DCUN1D2: variants seen among roughly 807,000 people sequenced by gnomAD.
The protein encoded by DCUN1D2 is DCN1-like protein 2.
In DCUN1D2, 29 loss-of-function variants were observed where a neutral mutation model predicts 30.9. That is an observed-to-expected ratio of 0.94 (90% confidence interval 0.70 to 1.28). DCUN1D2 has a LOEUF of 1.28. DCUN1D2 is among the 50% of genes most tolerant of loss of function. The pLI, the probability that DCUN1D2 is intolerant of heterozygous loss-of-function variation, is 0.00. For synonymous variants in DCUN1D2, 121 were observed against 115.3 expected (o/e 1.05, Z -0.32); for missense variants, 325 against 316.9 (o/e 1.03, Z -0.19).
In DCUN1D2 at chr13:113,470,323, C is replaced by T. The variant is rs112822600; in HGVS notation, c.520+3801G>A. On this transcript the variant is annotated intron_variant, in intron 4 of 6. Coordinates refer to ENST00000478244, the MANE Select transcript of DCUN1D2 (RefSeq NM_001014283.2). ...TTTGCAAACATGCGCCCTGTGATGTCGCACAAGGATGAGACTGCCTAACAA... is the reference window on the plus strand; with the variant it reads ...TTTGCAAACATGCGCCCTGTGATGTTGCACAAGGATGAGACTGCCTAACAA... Among the ~76,000 whole-genome samples, 128 of 152,244 alleles carry T rather than the reference C, an allele frequency of 8.4e-4. No individual in the cohort carries two copies. In the South Asian group the frequency reaches 9.5e-3, roughly 11 times the overall value.
chr13:113,471,063 A>ACTCCACAGGGGACCCAG (rs1297707470), intron 4 of DCUN1D2, among the ~76,000 whole-genome samples: 2 of 147,492 alleles, frequency 1.4e-5, no homozygotes, highest in East Asian at 4.1e-4. Context: ...AGAGGACCCA[A>ACTCCACAGGGGACCCAG]CTCCACAGGG....
chr13:113,475,831 T>C (rs1394860286), intron 3 of DCUN1D2: 1 of 152,302 alleles, frequency 6.6e-6, no homozygotes, highest in Non-Finnish European at 1.5e-5. Flanking sequence ...AGGGAGTGGG[T>C]GGCAGCTGAG....
intron 6 of DCUN1D2, 147 bp downstream of exon 6, chr13:113,459,165 G>T: frequency 1.8e-5 from 10 of 543,124 alleles, no homozygotes; most frequent in African/African-American, 3.8e-5. Context: ...TTTTTCTTTT[G>T]TATGATTTAC....
At chr13:113,473,323 C>T (rs938675707) in intron 4 of DCUN1D2, among the ~76,000 whole-genome samples, 1 of 152,178 alleles carries the variant, frequency 6.6e-6, no homozygotes, top group African/African-American at 2.4e-5. Flanking sequence ...TTCACCTCCA[C>T]CTTCACTGCA....
intron 4 of DCUN1D2, among the ~76,000 whole-genome samples, chr13:113,465,878 T>G (rs867427003): frequency 2.0e-5 from 3 of 151,626 alleles, no homozygotes; most frequent in Admixed American, 6.6e-5. Flanking sequence ...GACAGATATA[T>G]ATAGATAGAT....
chr13:113,468,431 T>C (rs2044444248), intron 4 of DCUN1D2, among the ~76,000 whole-genome samples: 1 of 152,082 alleles, frequency 6.6e-6, no homozygotes. Flanking sequence ...TTTGGGAAGA[T>C]GAGAAAGTTC....
chr13:113,478,657 AT>A (rs2044657544), intron 3 of DCUN1D2, among the ~76,000 whole-genome samples: 1 of 152,132 alleles, frequency 6.6e-6, no homozygotes, highest in Non-Finnish European at 1.5e-5. Flanking sequence ...TATTTTCATT[AT>A]TCAAGATATT....
At position 113,467,239 on chromosome 13, in the gene DCUN1D2, C is replaced by T. The variant is rs930115911; in HGVS notation, c.521-6103G>A. 2.6e-5 allele frequency among the ~76,000 whole-genome samples: 4 copies of T among 152,056 alleles called. 1 individual carries two copies. Among genetic ancestry groups the T allele is most frequent in the South Asian group, 4.1e-4 (2 of 4,820 alleles). On this transcript the variant is annotated intron_variant, in intron 4 of 6. Transcript: ENST00000478244. ...GCTGGTGGTACACAGCAGAGGAGCC[C>T]GTTTACTGTATCTCTAGGTAGAAAT...
intron 2 of DCUN1D2, among the ~76,000 whole-genome samples, chr13:113,481,488 T>A (rs1259327301): frequency 6.6e-6 from 1 of 152,258 alleles, no homozygotes; most frequent in Non-Finnish European, 1.5e-5. Context: ...GTAGCTTCTC[T>A]GCTCAAAGAA....
At chr13:113,480,888 T>C (rs2044696803) in intron 2 of DCUN1D2, 145 bp from the exon 3 acceptor site, 4 of 667,098 alleles carry the variant, frequency 6.0e-6, no homozygotes, top group Non-Finnish European at 9.5e-6. Flanking sequence ...TGCAGTTTTC[T>C]ACTACACATG....
Position 113,456,386 on chromosome 13 carries a change from C to T in DCUN1D2, c.*1643G>A. On this transcript the variant is annotated 3_prime_UTR_variant, in exon 7 of 7. Transcript: ENST00000478244. ...CTGCAGCCTCCAAGCACACTAACCT[C>T]AGCCATCAGATGTTCCTGAAGCCCA... The T allele has an allele frequency of 2.5e-6, 1 of 398,936 alleles. No individual in the cohort carries two copies. Among genetic ancestry groups the T allele is most frequent in the Non-Finnish European group, 4.4e-6 (1 of 226,266 alleles). The allele number at this position is 398,936 out of a possible 1,614,324, so 24.7% of individuals were successfully genotyped here. A position where few individuals can be genotyped will look rare whatever the true frequency, so the allele number is the denominator to read the frequency against.
At chr13:113,458,772 G>C in intron 6 of DCUN1D2, among the ~76,000 whole-genome samples, 1 of 152,212 alleles carries the variant, frequency 6.6e-6, no homozygotes, top group East Asian at 1.9e-4. Context: ...TGCCCGCCGA[G>C]GGGGCAGGGA....
intron 2 of DCUN1D2, among the ~76,000 whole-genome samples, chr13:113,482,171 C>T (rs560901130): frequency 3.9e-4 from 60 of 152,230 alleles, no homozygotes; most frequent in African/African-American, 1.4e-3. Context: ...AATGTCATAA[C>T]CAATGTTATA....
At chr13:113,470,091 C>T (rs1471797516) in intron 4 of DCUN1D2, among the ~76,000 whole-genome samples, 2 of 152,194 alleles carry the variant, frequency 1.3e-5, no homozygotes, top group African/African-American at 2.4e-5. Context: ...TGATAGTCCG[C>T]GTAAGTGACA....
intron 1 of DCUN1D2, chr13:113,489,006 A>G (rs1052714230): frequency 4.1e-6 from 2 of 482,666 alleles, no homozygotes; most frequent in African/African-American, 4.2e-5. Flanking sequence ...CTTGTGAAAT[A>G]CGACTCATAT....
At position 113,488,555 on chromosome 13, in the gene DCUN1D2, G is replaced by C. The variant is rs140874209; in HGVS notation, c.3+2112C>G. On this transcript the variant is annotated intron_variant, in intron 1 of 6. Coordinates refer to ENST00000478244, the MANE Select transcript of DCUN1D2 (RefSeq NM_001014283.2). This position sits in a 1 kb window ranked among gnomAD's most constrained non-coding sequence, Gnocchi z 4.3. ...GGCTCGTCAACTAAAAAACTACAGG[G>C]GAGAGAAGGAAGCCGAGTCCCTCTA... Among the ~76,000 whole-genome samples the C allele has an allele frequency of 2.8e-4, 42 of 152,304 alleles. No individual in the cohort carries two copies. The highest frequency in any genetic ancestry group is 9.6e-4 in the African/African-American group (40 of 41,552).
intron 4 of DCUN1D2, among the ~76,000 whole-genome samples, chr13:113,471,802 G>C (rs1358741048): frequency 6.6e-6 from 1 of 152,160 alleles, no homozygotes; most frequent in African/African-American, 2.4e-5. Context: ...AGCACGCAAG[G>C]ACTCAGGGAA....
chr13:113,456,076 T>C lies in DCUN1D2; in HGVS notation c.*1953A>G, dbSNP rs556427698. ...AAAACAATTACATGTCAAGAATCCA[T>C]GAAGCCTGGAAGATACGCTCACGTT... is the stretch of plus-strand genomic sequence containing the variant. On this transcript the variant is annotated 3_prime_UTR_variant, in exon 7 of 7. Coordinates refer to ENST00000478244, the MANE Select transcript of DCUN1D2 (RefSeq NM_001014283.2). The C allele has an allele frequency of 3.5e-4, 141 of 397,602 alleles. No homozygotes were observed. Among genetic ancestry groups the C allele is most frequent in the Middle Eastern group, 6.3e-4 (1 of 1,586 alleles). The allele number at this position is 397,602 out of a possible 1,614,324, so 24.6% of individuals were successfully genotyped here. A position where few individuals can be genotyped will look rare whatever the true frequency, so the allele number is the denominator to read the frequency against.
intron 4 of DCUN1D2, among the ~76,000 whole-genome samples, chr13:113,466,670 G>A (rs1035426209): frequency 5.3e-5 from 8 of 152,164 alleles, no homozygotes; most frequent in African/African-American, 1.9e-4. Flanking sequence ...TAAATCTCTG[G>A]CCACATTTCC....
Sources: allele counts gnomAD v4.1 joint callset (sites outside exome capture counted in the v4.1 genomes callset), GRCh38; gene constraint gnomAD v4.1.1; non-coding constraint Gnocchi (gnomAD v3.1); transcripts MANE v1.5; gene names NCBI Gene and HGNC (gene_info 2026-07-23, HGNC 2026-07-21).